MSANTD4: variants seen among roughly 807,000 people sequenced by gnomAD.
The protein encoded by MSANTD4 is Myb/SANT DNA binding domain containing 4 with coiled-coils, also known as myb/SANT-like DNA-binding domain-containing protein 4.
Under a neutral mutation model 34.3 loss-of-function variants are expected in MSANTD4, and 13 were observed. The observed-to-expected ratio is 0.38, with a 90% confidence interval of 0.25 to 0.60. MSANTD4 has a LOEUF of 0.60. Among genes scored for constraint, MSANTD4 ranks in the 20% least tolerant of loss-of-function variants. The pLI, the probability that MSANTD4 is intolerant of heterozygous loss-of-function variation, is 0.63. For missense variants in MSANTD4, 358 were observed against 401.8 expected, an observed-to-expected ratio of 0.89 and a Z score of 0.93; for synonymous variants, 137 against 145.2, an observed-to-expected ratio of 0.94 and a Z score of 0.41.
chr11:106,010,541 T>C lies in MSANTD4; in HGVS notation c.377A>G (p.Gln126Arg), dbSNP rs1251391854. 6.2e-7 allele frequency: 1 copy of C among 1,614,198 alleles called. No homozygotes were observed. The highest frequency in any genetic ancestry group is 2.2e-5 in the East Asian group (1 of 44,878). Residue 126 changes from glutamine (Q) to arginine (R), a missense_variant, in exon 2 of 3, where the codon CAA (glutamine) becomes CGA (arginine). Transcript: ENST00000301919. ...TGCATCCCTGAAATCTGCCACATTT[T>C]GCCAGTCAAAATTTGCATCATTTCG... ...GFRNDANFDW[Q>R]NVADFRDAGG...
intron 1 of MSANTD4, among the ~76,000 whole-genome samples, chr11:106,019,947 C>T (rs59996148): frequency 6.6e-6 from 1 of 152,130 alleles, no homozygotes; most frequent in African/African-American, 2.4e-5. Context: ...GAATAATAGA[C>T]TAATACTCGT....
rs1404261894 is a variant in MSANTD4 at position 106,015,876 on chromosome 11, T to C, written c.-150-4809A>G. 2.0e-5 allele frequency among the ~76,000 whole-genome samples: 3 copies of C among 152,200 alleles called. No individual in the cohort carries two copies. The East Asian group carries it at 5.8e-4, about 29-fold the overall frequency. On this transcript the variant is annotated intron_variant, in intron 1 of 2. Coordinates refer to ENST00000301919, the MANE Select transcript of MSANTD4 (RefSeq NM_032424.3). The stretch of plus-strand genomic sequence containing the variant: ...GTAGAATGCTTATAATTTTATTTTA[T>C]TTTTAGAGACAGGGTCTCACTCTGT...
intron 1 of MSANTD4, among the ~76,000 whole-genome samples, chr11:106,013,810 C>T (rs773596454): frequency 5.3e-5 from 8 of 152,128 alleles, no homozygotes; most frequent in East Asian, 1.9e-4. Context: ...TGCAGTGAGC[C>T]GAGATTGTGC....
chr11:106,018,337 T>C (rs540737694), intron 1 of MSANTD4, among the ~76,000 whole-genome samples: 23 of 152,166 alleles, frequency 1.5e-4, no homozygotes, highest in Non-Finnish European at 7.4e-5. Context: ...CAATAGAACA[T>C]GTATTTAGTA....
In MSANTD4 at chr11:106,009,563, CGAAG is replaced by C; in HGVS notation, c.1006_1009del (p.Leu336GlufsTer30). 1 of 1,603,844 alleles carries C rather than the reference CGAAG, an allele frequency of 6.2e-7. No homozygotes were observed. The highest frequency in any genetic ancestry group is 8.5e-7 in the Non-Finnish European group (1 of 1,174,856). On this transcript the variant is annotated frameshift_variant, in exon 3 of 3. Transcript: ENST00000301919. LOFTEE classifies it high-confidence loss of function. ...CTGCAAGTGTCCTTCTTTCTGAATTCGAAGTCTGTCTTTCTCTACCTGTAAGCGT... is the reference window on the plus strand; with the variant it reads ...CTGCAAGTGTCCTTCTTTCTGAATTCTCTGTCTTTCTCTACCTGTAAGCGT...
rs201291242 is a variant in MSANTD4 at position 106,009,957 on chromosome 11, T to C, written c.616A>G (p.Asn206Asp). 50 of 1,613,090 alleles carry C rather than the reference T, an allele frequency of 3.1e-5. No homozygotes were observed. The East Asian group carries it at 1.1e-3, about 35-fold the overall frequency. The change falls in exon 3 of 3, where the codon AAT (asparagine) becomes GAT (aspartate). Residue 206 changes from asparagine (N) to aspartate (D), a missense_variant. Coordinates refer to ENST00000301919, the MANE Select transcript of MSANTD4 (RefSeq NM_032424.3). ...AACTCTAGTTTCTGTTTCTCAATAT[T>C]TACGAGCAAATGAGGCTCATCATAT... ...SAYDEPHLLV[N>D]IEKQKLELEK... is the part of the protein sequence containing the mutation.
intron 1 of MSANTD4, among the ~76,000 whole-genome samples, chr11:106,018,055 A>C (rs1194033494): frequency 6.6e-6 from 1 of 152,018 alleles, no homozygotes; most frequent in Non-Finnish European, 1.5e-5. Context: ...CTAGAGTGGC[A>C]CTGTTCAATA....
At chr11:106,013,881 A>G (rs766776047) in intron 1 of MSANTD4, among the ~76,000 whole-genome samples, 1 of 152,160 alleles carries the variant, frequency 6.6e-6, no homozygotes, top group African/African-American at 2.4e-5. Context: ...CAACAACAAA[A>G]AAGTGTTGCT....
At chr11:106,015,388 G>C (rs920717032) in intron 1 of MSANTD4, among the ~76,000 whole-genome samples, 11 of 152,100 alleles carry the variant, frequency 7.2e-5, no homozygotes, top group Non-Finnish European at 1.3e-4. Context: ...AACAGTTCCT[G>C]GTGCACATTA....
Position 106,022,012 on chromosome 11 carries a change from G to A in MSANTD4, c.-1201C>T, listed in dbSNP as rs929458925. ...CCCCAGCCTCCCCGGTCAGGCGACA[G>A]ACGCGCGTGGCACTTCTCCCGAGCG... On this transcript the variant is annotated 5_prime_UTR_variant, in exon 1 of 3. Coordinates refer to ENST00000301919, the MANE Select transcript of MSANTD4 (RefSeq NM_032424.3). 1 of 152,438 alleles carries A rather than the reference G, an allele frequency of 6.6e-6. No homozygotes were observed. The highest frequency in any genetic ancestry group is 2.1e-4 in the South Asian group (1 of 4,842). 9.4% of individuals were successfully genotyped at this position (152,438 alleles called of 1,614,324 possible).
chr11:106,021,652 A>C lies in MSANTD4; in HGVS notation c.-841T>G, dbSNP rs1201516110. 1 of 152,116 alleles carries C rather than the reference A, an allele frequency of 6.6e-6. No individual in the cohort carries two copies. The highest frequency in any genetic ancestry group is 1.5e-5 in the Non-Finnish European group (1 of 68,026). The allele number at this position is 152,116 out of a possible 1,614,324, so 9.4% of individuals were successfully genotyped here. ...ATAGGGGATTCACTTCCCTGCCAAAAAGTATGTTCTTCTCTAAAACTCGTG... is the reference window on the plus strand; with the variant it reads ...ATAGGGGATTCACTTCCCTGCCAAACAGTATGTTCTTCTCTAAAACTCGTG... On this transcript the variant is annotated 5_prime_UTR_variant, in exon 1 of 3. Coordinates refer to ENST00000301919, the MANE Select transcript of MSANTD4 (RefSeq NM_032424.3).
At chr11:106,019,640 C>T (rs1186998905) in intron 1 of MSANTD4, among the ~76,000 whole-genome samples, 1 of 152,172 alleles carries the variant, frequency 6.6e-6, no homozygotes, top group East Asian at 1.9e-4. Context: ...TCCCATTCAC[C>T]TAAGTCTGAT....
intron 1 of MSANTD4, among the ~76,000 whole-genome samples, chr11:106,014,064 G>C (rs541981672): frequency 1.7e-3 from 252 of 152,240 alleles, no homozygotes; most frequent in African/African-American, 5.9e-3. Context: ...AACCAGTTAG[G>C]CCTCATAAGA....
At chr11:106,014,949 G>T (rs1591520895) in intron 1 of MSANTD4, among the ~76,000 whole-genome samples, 1 of 142,400 alleles carries the variant, frequency 7.0e-6, no homozygotes. Flanking sequence ...AAAAACAAAA[G>T]AAAAGAAGAC....
At chr11:106,016,649 G>A (rs1489582611) in intron 1 of MSANTD4, among the ~76,000 whole-genome samples, 1 of 152,170 alleles carries the variant, frequency 6.6e-6, no homozygotes, top group Non-Finnish European at 1.5e-5. Flanking sequence ...AGTTTCCATA[G>A]GCACACAAAG....
Position 106,010,818 on chromosome 11 carries a change from T to C in MSANTD4, c.100A>G (p.Lys34Glu). The change falls in exon 2 of 3, where the codon AAG becomes GAG. Residue 34 changes from lysine (K) to glutamate (E), a missense_variant. By Grantham distance (56) the Lys-to-Glu change is moderately conservative. Around this residue, in one of 2 missense-constraint regions of MSANTD4, gnomAD observed 46 missense variants for 84.3 expected, o/e 0.55. Coordinates refer to ENST00000301919, the MANE Select transcript of MSANTD4 (RefSeq NM_032424.3). ...ITKRKEVIFS[K>E]QLNTTINVMK... The stretch of plus-strand genomic sequence containing the variant: ...ACATTAATTGTTGTATTGAGCTGCT[T>C]GGAAAAAATGACTTCTTTCCTTTTC... The C allele has an allele frequency of 6.2e-7, 1 of 1,614,118 alleles. No individual in the cohort carries two copies. The highest frequency in any genetic ancestry group is 8.5e-7 in the Non-Finnish European group (1 of 1,179,986).
intron 1 of MSANTD4, among the ~76,000 whole-genome samples, chr11:106,013,830 C>G (rs1859767664): frequency 6.6e-6 from 1 of 152,160 alleles, no homozygotes; most frequent in African/African-American, 2.4e-5. Flanking sequence ...CCACTGCACC[C>G]CAACCTGGGG....
rs966360629 is a variant in MSANTD4 at position 106,007,980 on chromosome 11, A to G, written c.*1555T>C. The G allele has an allele frequency of 1.3e-5, 2 of 152,680 alleles. No homozygotes were observed. The highest frequency in any genetic ancestry group is 2.9e-5 in the Non-Finnish European group (2 of 68,040). The allele number at this position is 152,680 out of a possible 1,614,324, so 9.5% of individuals were successfully genotyped here. A position where few individuals can be genotyped will look rare whatever the true frequency, so the allele number is the denominator to read the frequency against. On this transcript the variant is annotated 3_prime_UTR_variant, in exon 3 of 3. Transcript: ENST00000301919. The stretch of plus-strand genomic sequence containing the variant: ...AGAAAAATAACACTATTTCAAAGTC[A>G]GAGTAAGTAAACAGAAGTATATTTT...
Position 106,010,090 on chromosome 11 carries a change from TTCC to T in MSANTD4, c.480_482del (p.Glu162del), listed in dbSNP as rs1332817262. 4 of 1,570,170 alleles carry T rather than the reference TTCC, an allele frequency of 2.5e-6. No homozygotes were observed. Among genetic ancestry groups the T allele is most frequent in the South Asian group, 1.2e-5 (1 of 86,154 alleles). Reference sequence around the variant, plus strand: ...CTGGTATGACGGATGACAACATTTCTTCCTCCTCCTCAATTTCAAACTAAGAGC... The same window carrying T: ...CTGGTATGACGGATGACAACATTTCTTCCTCCTCAATTTCAAACTAAGAGC... On this transcript the variant is annotated inframe_deletion, in exon 3 of 3. Coordinates refer to ENST00000301919, the MANE Select transcript of MSANTD4 (RefSeq NM_032424.3).
Sources: allele counts gnomAD v4.1 joint callset (sites outside exome capture counted in the v4.1 genomes callset), GRCh38; gene constraint gnomAD v4.1.1; regional missense constraint gnomAD v4.1.1; transcripts MANE v1.5; gene names NCBI Gene and HGNC (gene_info 2026-07-23, HGNC 2026-07-21).